The following PRDM14 variants were observed in gnomAD, a reference collection of about 807,000 sequenced individuals.
PRDM14 encodes the protein PR domain zinc finger protein 14.
PRDM14 carries 16 observed loss-of-function variants against 48.0 expected under a neutral mutation model. That is an observed-to-expected ratio of 0.33 (90% CI 0.23 to 0.51). PRDM14 has a LOEUF of 0.51. Among genes scored for constraint, PRDM14 ranks in the 20% least tolerant of loss-of-function variants. The pLI is 0.97. For missense variants in PRDM14, 566 were observed against 719.6 expected (o/e 0.79, Z 2.44); for synonymous variants, 264 against 276.6 (o/e 0.95, Z 0.45).
chr8:70,067,633 C>T (rs913641659), intron 4 of PRDM14, among the ~76,000 whole-genome samples: 1 of 151,894 alleles, frequency 6.6e-6, no homozygotes, highest in Admixed American at 6.6e-5. Flanking sequence ...TTAACATATT[C>T]CACATAGCCT....
chr8:70,069,629 G>A lies in PRDM14; in HGVS notation c.232C>T (p.Leu78=). 6.4e-7 allele frequency: 1 copy of A among 1,573,662 alleles called. No individual in the cohort carries two copies. Among genetic ancestry groups the A allele is most frequent in the South Asian group, 1.1e-5 (1 of 87,068 alleles). The part of the protein sequence containing the change: ...PFPFRMAPPL[L]SPGLGLQREP... ...CTCTGTAGGCCCAGACCCGGGCTCA[G>A]CAAGGGAGGCGCCATCCGGAAGGGG... Residue 78 remains leucine (L), a synonymous_variant, in exon 2 of 8, where the codon CTG becomes TTG. Coordinates refer to ENST00000276594, the MANE Select transcript of PRDM14 (RefSeq NM_024504.4).
intron 6 of PRDM14, among the ~76,000 whole-genome samples, chr8:70,056,103 T>C (rs1463749689): frequency 1.3e-5 from 2 of 152,022 alleles, no homozygotes; most frequent in African/African-American, 2.4e-5. Flanking sequence ...CAAGGAGGGG[T>C]GACGATGAAC....
rs1805729911 is a variant in PRDM14 at position 70,069,582 on chromosome 8, G to A, written c.279C>T (p.Pro93=). 2 of 1,601,386 alleles carry A rather than the reference G, an allele frequency of 1.2e-6. No individual in the cohort carries two copies. The highest frequency in any genetic ancestry group is 1.7e-6 in the Non-Finnish European group (2 of 1,174,366). The change falls in exon 2 of 8, where the codon CCC becomes CCT. Residue 93 remains proline (P), a synonymous_variant. Coordinates refer to ENST00000276594, the MANE Select transcript of PRDM14 (RefSeq NM_024504.4). ...GLQREPLYDL[P]WYSKLPPWYP... ...ACCACGGTGGCAGCTTGCTGTACCA[G>A]GGCAGATCGTAGAGAGGCTCCCTCT...
chr8:70,051,720 C>T lies in PRDM14; in HGVS notation c.*357G>A, dbSNP rs75233166. ...CCCATAAAAGGAAATAGAGAGAATC[C>T]GAATCTCTTGTTTTTACATTGTCTC... On this transcript the variant is annotated 3_prime_UTR_variant, in exon 8 of 8. Transcript: ENST00000276594. 0.026 allele frequency: 4,701 copies of T among 178,950 alleles called. 92 individuals are homozygous for T. The highest frequency in any genetic ancestry group is 0.044 in the South Asian group (292 of 6,600). 11.1% of individuals were successfully genotyped at this position (178,950 alleles called of 1,614,324 possible).
chr8:70,066,282 C>T lies in PRDM14; in HGVS notation c.1136G>A (p.Ser379Asn). The change falls in exon 5 of 8, where the codon AGC becomes AAC. Residue 379 changes from serine (S) to asparagine (N), a missense_variant. Ser to Asn is a conservative substitution (Grantham distance 46). Transcript: ENST00000276594. ...CTTCCCCGGCTCTGTGACCTGAAGG[C>T]TCACAGGAATATCCAGAAATTTCTC... ...CYEKFLDIPVSLQVTEPGKQP... is the reference protein window; with the variant it reads ...CYEKFLDIPVNLQVTEPGKQP... 4 of 1,614,122 alleles carry T rather than the reference C, an allele frequency of 2.5e-6. No individual in the cohort carries two copies. Among genetic ancestry groups the T allele is most frequent in the Non-Finnish European group, 3.4e-6 (4 of 1,180,024 alleles).
chr8:70,058,534 G>C (rs998802209), intron 6 of PRDM14, 106 bp downstream of exon 6: 2 of 926,628 alleles, frequency 2.2e-6, no homozygotes, highest in African/African-American at 3.2e-5. Context: ...TGTCCGTCAG[G>C]CATCACAGCC....
intron 5 of PRDM14, 139 bp downstream of exon 5, chr8:70,066,096 C>G: frequency 1.1e-6 from 1 of 931,286 alleles, no homozygotes; most frequent in Non-Finnish European, 1.6e-6. Flanking sequence ...GGGTAATTCC[C>G]CCCTGGTTAG....
chr8:70,062,380 GT>G (rs571666274), intron 5 of PRDM14, among the ~76,000 whole-genome samples: 1 of 152,030 alleles, frequency 6.6e-6, no homozygotes, highest in African/African-American at 2.4e-5. Context: ...TGGATTTCAG[GT>G]TTTTTTCGAA....
chr8:70,068,133 T>C (rs1805702512), intron 4 of PRDM14, 97 bp downstream of exon 4: 1 of 1,371,962 alleles, frequency 7.3e-7, no homozygotes. Context: ...GTCCTCTCTC[T>C]CTGACCAGGA....
At chr8:70,052,512 T>C (rs1363958338) in intron 7 of PRDM14, among the ~76,000 whole-genome samples, 16 of 152,152 alleles carry the variant, frequency 1.1e-4, no homozygotes, top group Admixed American at 7.9e-4. Flanking sequence ...TGAGAAGCAC[T>C]GGATGTTAGA....
chr8:70,058,117 T>C (rs1361081634), intron 6 of PRDM14, among the ~76,000 whole-genome samples: 1 of 152,210 alleles, frequency 6.6e-6, no homozygotes, highest in African/African-American at 2.4e-5. Flanking sequence ...TTACTGATTT[T>C]CTGTCTTACA....
Position 70,052,279 on chromosome 8 carries a change from C to T in PRDM14, c.1514G>A (p.Arg505His), listed in dbSNP as rs762086448. 10 of 1,613,598 alleles carry T rather than the reference C, an allele frequency of 6.2e-6. No individual in the cohort carries two copies. The highest frequency in any genetic ancestry group is 2.7e-5 in the African/African-American group (2 of 74,904). ...TKRFTASSILRTHIRQHSGEK... is the reference protein window; with the variant it reads ...TKRFTASSILHTHIRQHSGEK... ...CCCGGAGTGCTGCCTGATGTGTGTG[C>T]GGAGTATGCTGGAGGCTGTGAACCT... The change falls in exon 8 of 8, where the codon CGC becomes CAC. Residue 505 changes from arginine to histidine, a missense_variant. Transcript: ENST00000276594.
rs563656288 is a variant in PRDM14 at position 70,059,923 on chromosome 8, G to A, written c.1184-1081C>T. On this transcript the variant is annotated intron_variant, in intron 5 of 7. Coordinates refer to ENST00000276594, the MANE Select transcript of PRDM14 (RefSeq NM_024504.4). ...AGCCTGGCCAACATGGTGAAATCCC[G>A]TCTGTACTAAAAATACAAAATTAGC... Among the ~76,000 whole-genome samples, 18 of 151,442 alleles carry A rather than the reference G, an allele frequency of 1.2e-4. No homozygotes were observed. The Middle Eastern group carries it at 0.014, about 116-fold the overall frequency.
rs1805760191 is a variant in PRDM14, at chr8:70,071,164, C to G, written c.-39G>C. 1 of 152,294 alleles carries G rather than the reference C, an allele frequency of 6.6e-6. No individual in the cohort carries two copies. Among genetic ancestry groups the G allele is most frequent in the South Asian group, 2.1e-4 (1 of 4,836 alleles). 9.4% of individuals were successfully genotyped at this position (152,294 alleles called of 1,614,324 possible). ...CCCGTGCCTACCTCCGACACCACCT[C>G]CAAGAGCGCCACCGCGGAGCGGGCG... On this transcript the variant is annotated 5_prime_UTR_variant, in exon 1 of 8. Coordinates refer to ENST00000276594, the MANE Select transcript of PRDM14 (RefSeq NM_024504.4). This position sits in a 1 kb window ranked among gnomAD's most constrained non-coding sequence, Gnocchi z 5.2.
In PRDM14 at chr8:70,069,581, A is replaced by T; in HGVS notation, c.280T>A (p.Trp94Arg). The T allele has an allele frequency of 6.2e-7, 1 of 1,602,094 alleles. No homozygotes were observed. ...TACCACGGTGGCAGCTTGCTGTACC[A>T]GGGCAGATCGTAGAGAGGCTCCCTC... is the stretch of plus-strand genomic sequence containing the variant. ...LQREPLYDLP[W>R]YSKLPPWYPI... Residue 94 changes from tryptophan (W) to arginine (R), a missense_variant, in exon 2 of 8, where the codon TGG becomes AGG. Physicochemically the swap from Trp to Arg is moderately radical, Grantham distance 101. Around this residue, in one of 3 missense-constraint regions of PRDM14, gnomAD observed 410 missense variants for 424.6 expected, o/e 0.97. Transcript: ENST00000276594.
At chr8:70,058,573 C>T (rs547814990) in intron 6 of PRDM14, 67 bp downstream of exon 6, 3 of 1,426,212 alleles carry the variant, frequency 2.1e-6, no homozygotes, top group Non-Finnish European at 3.0e-6. Flanking sequence ...AGGCAACTCC[C>T]CGTGTTCAGG....
chr8:70,067,537 A>C (rs1232133145), intron 4 of PRDM14, among the ~76,000 whole-genome samples: 1 of 148,242 alleles, frequency 6.7e-6, no homozygotes, highest in African/African-American at 2.6e-5. Flanking sequence ...AAAACAAAAA[A>C]AAAAAAACAA....
intron 6 of PRDM14, among the ~76,000 whole-genome samples, chr8:70,056,376 G>GA (rs745394552): frequency 2.0e-5 from 3 of 152,194 alleles, no homozygotes; most frequent in African/African-American, 7.2e-5. Context: ...TAACTAAAGA[G>GA]AAAAAACAAT....
chr8:70,069,018 C>G, intron 2 of PRDM14, 143 bp downstream of exon 2: 1 of 659,552 alleles, frequency 1.5e-6, no homozygotes, highest in Admixed American at 3.0e-5. Flanking sequence ...GAGCCTAGAA[C>G]AGCCCTGGCT....
Sources: gnomAD v4.1 joint callset for allele counts (sites outside exome capture counted in the v4.1 genomes callset) on GRCh38, gnomAD v4.1.1 for gene constraint, gnomAD v4.1.1 regional missense constraint, Gnocchi (gnomAD v3.1) non-coding constraint, MANE v1.5 for transcripts, NCBI Gene and HGNC (gene_info 2026-07-23, HGNC 2026-07-21) for gene names.